Variants in SPEF2 observed in about 807,000 individuals in gnomAD.
The protein encoded by SPEF2 is sperm flagella and cilia-associated protein 2.
A neutral mutation model predicts 224.6 loss-of-function variants in SPEF2; 187 were observed. The ratio of observed to expected loss-of-function variants is 0.83; its 90% CI spans 0.74 to 0.94. SPEF2 has a LOEUF of 0.94. SPEF2 is among the 40% of genes least tolerant of loss of function. SPEF2 has a pLI of 0.00. For missense variants in SPEF2, 2,170 were observed against 2,135.6 expected (o/e 1.02, Z -0.32); for synonymous variants, 715 against 707.3 (o/e 1.01, Z -0.17).
At chr5:35,776,091 A>T (rs768122054) in intron 28 of SPEF2, among the ~76,000 whole-genome samples, 166 bp from the exon 29 acceptor site, 38 of 152,200 alleles carry the variant, frequency 2.5e-4, no homozygotes, top group Non-Finnish European at 4.3e-4. Context: ...CACATATTAC[A>T]TTTTGCTTTT....
chr5:35,617,932 G>C lies in SPEF2; in HGVS notation c.-66G>C, dbSNP rs529635822. On this transcript the variant is annotated 5_prime_UTR_variant, in exon 1 of 37. Coordinates refer to ENST00000356031, the MANE Select transcript of SPEF2 (RefSeq NM_024867.4). Reference sequence around the variant, plus strand: ...TGCCCTTGGCTACAGGAGGACGCGGGCTGGCAGGCTTGGTTCCTGGCGAGT... The same window carrying C: ...TGCCCTTGGCTACAGGAGGACGCGGCCTGGCAGGCTTGGTTCCTGGCGAGT... 4.0e-6 allele frequency: 6 copies of C among 1,498,996 alleles called. No individual in the cohort carries two copies. Among genetic ancestry groups the C allele is most frequent in the Non-Finnish European group, 5.5e-6 (6 of 1,098,466 alleles). The allele number at this position is 1,498,996 out of a possible 1,614,324, so 92.9% of individuals were successfully genotyped here.
chr5:35,797,317 G>GGTGTGTGTGTGTGTGT (rs3219619), intron 33 of SPEF2, among the ~76,000 whole-genome samples: 1 of 142,124 alleles, frequency 7.0e-6, no homozygotes, highest in African/African-American at 2.8e-5. Flanking sequence ...ATGGCTGACG[G>GGTGTGTGTGTGTGTGT]GTGTGTGTGT....
At chr5:35,629,696 G>A (rs539902406) in intron 2 of SPEF2, among the ~76,000 whole-genome samples, 3 of 151,852 alleles carry the variant, frequency 2.0e-5, no homozygotes, top group South Asian at 2.1e-4. Flanking sequence ...CACAACCATC[G>A]CCACCATCTA....
intron 26 of SPEF2, among the ~76,000 whole-genome samples, chr5:35,766,012 TTACTGGG>T (rs2149767340): frequency 6.6e-6 from 1 of 152,274 alleles, no homozygotes; most frequent in East Asian, 1.9e-4. Flanking sequence ...TTCTTAAATA[TTACTGGG>T]TTTGTTTTGT....
In SPEF2 at chr5:35,706,730, A is replaced by T. The variant is rs1011411944; in HGVS notation, c.2665+922A>T. Reference sequence around the variant, plus strand: ...ACATTAAAATTGCCCATAGACATAAACCACAATCACCATGGAAATCCAGGA... The same window carrying T: ...ACATTAAAATTGCCCATAGACATAATCCACAATCACCATGGAAATCCAGGA... On this transcript the variant is annotated intron_variant, in intron 18 of 36. Transcript: ENST00000356031. Among the ~76,000 whole-genome samples the T allele has an allele frequency of 2.0e-5, 3 of 152,140 alleles. No individual in the cohort carries two copies. In the East Asian group the frequency reaches 5.8e-4, roughly 29 times the overall value.
intron 36 of SPEF2, among the ~76,000 whole-genome samples, chr5:35,811,098 A>AAT (rs1554063123): frequency 9.9e-5 from 15 of 151,542 alleles, no homozygotes; most frequent in East Asian, 5.8e-4. Flanking sequence ...GCTAAAAAAA[A>AAT]AAATAATAAA....
chr5:35,664,571 T>C (rs1422083134), intron 8 of SPEF2, among the ~76,000 whole-genome samples: 1 of 151,996 alleles, frequency 6.6e-6, no homozygotes, highest in African/African-American at 2.4e-5. Context: ...TCCCAGCTAC[T>C]TGGGAGGCTG....
chr5:35,770,508 T>C (rs1011188735), intron 26 of SPEF2, among the ~76,000 whole-genome samples: 3 of 152,144 alleles, frequency 2.0e-5, no homozygotes, highest in African/African-American at 7.2e-5. Context: ...CCTTTCCCTG[T>C]CCCACATACT....
At chr5:35,683,189 A>T (rs1753079263) in intron 10 of SPEF2, among the ~76,000 whole-genome samples, 1 of 152,146 alleles carries the variant, frequency 6.6e-6, no homozygotes, top group African/African-American at 2.4e-5. Context: ...GAGGCATGTG[A>T]GTGCTTTGGA....
intron 30 of SPEF2, chr5:35,791,686 A>C (rs1189498142): frequency 1.3e-5 from 2 of 152,118 alleles, no homozygotes; most frequent in Admixed American, 1.3e-4. Context: ...GTGAAAAACA[A>C]GGTAGACATC....
chr5:35,681,833 G>C (rs981054807), intron 10 of SPEF2, among the ~76,000 whole-genome samples: 7 of 152,158 alleles, frequency 4.6e-5, no homozygotes, highest in African/African-American at 1.7e-4. Flanking sequence ...AGTCCAAGTG[G>C]TAATTGTGCT....
At chr5:35,775,857 A>G (rs963572776) in intron 28 of SPEF2, among the ~76,000 whole-genome samples, 18 of 152,186 alleles carry the variant, frequency 1.2e-4, no homozygotes, top group African/African-American at 3.9e-4. Context: ...CCAGGGGCAC[A>G]TGGAGTTTGC....
chr5:35,640,057 T>C (rs1308945852), intron 2 of SPEF2, among the ~76,000 whole-genome samples: 1 of 152,166 alleles, frequency 6.6e-6, no homozygotes, highest in African/African-American at 2.4e-5. Flanking sequence ...AAAATACATT[T>C]AAACCCTAGT....
At chr5:35,620,446 A>C (rs533992777) in intron 1 of SPEF2, among the ~76,000 whole-genome samples, 1 of 152,226 alleles carries the variant, frequency 6.6e-6, no homozygotes, top group African/African-American at 2.4e-5. Flanking sequence ...ATCTGGTTGT[A>C]TCAAGATTAA....
chr5:35,692,662 A>G lies in SPEF2; in HGVS notation c.1837A>G (p.Ile613Val). 2 of 1,613,914 alleles carry G rather than the reference A, an allele frequency of 1.2e-6. 1 individual carries two copies. Among genetic ancestry groups the G allele is most frequent in the South Asian group, 2.2e-5 (2 of 91,050 alleles). The change falls in exon 12 of 37, where the codon ATT becomes GTT. Residue 613 changes from isoleucine (I) to valine (V), a missense_variant. Transcript: ENST00000356031. ...DNEKVSEVLP[I>V]QKNDEEDALP... ...TGAAAAAGTCAGTGAGGTTCTACCAATTCAGAAAAATGATGAAGAAGATGC... is the reference window on the plus strand; with the variant it reads ...TGAAAAAGTCAGTGAGGTTCTACCAGTTCAGAAAAATGATGAAGAAGATGC...
chr5:35,727,278 G>A (rs1744831231), intron 20 of SPEF2, among the ~76,000 whole-genome samples: 2 of 152,150 alleles, frequency 1.3e-5, no homozygotes. Context: ...GGGATACCAA[G>A]AGCACCACTC....
chr5:35,777,664 C>CAAAT (rs35899152), intron 29 of SPEF2, among the ~76,000 whole-genome samples: 25,504 of 143,832 alleles, frequency 0.18, 2,369 homozygotes, highest in East Asian at 0.21. Context: ...AAATGTGATA[C>CAAAT]AAATAAATAA....
chr5:35,811,240 T>C (rs2149880311), intron 36 of SPEF2, among the ~76,000 whole-genome samples: 1 of 152,240 alleles, frequency 6.6e-6, no homozygotes, highest in East Asian at 2.0e-4. Flanking sequence ...ATTTTTATAA[T>C]ACACTTCAAC....
chr5:35,801,674 T>C (rs1404834835), intron 34 of SPEF2, among the ~76,000 whole-genome samples: 2 of 152,176 alleles, frequency 1.3e-5, no homozygotes, highest in Admixed American at 6.5e-5. Flanking sequence ...CACAGCGTGC[T>C]GTGAGGTCTC....
Sources: gnomAD v4.1 joint callset for allele counts (sites outside exome capture counted in the v4.1 genomes callset) on GRCh38, gnomAD v4.1.1 for gene constraint, MANE v1.5 for transcripts, NCBI Gene and HGNC (gene_info 2026-07-23, HGNC 2026-07-21) for gene names.